The following KTN1 variants were observed in gnomAD, a reference collection of about 807,000 sequenced individuals.
The protein encoded by KTN1 is kinectin.
In KTN1, 130 loss-of-function variants were observed where a neutral mutation model predicts 222.5. The observed-to-expected ratio is 0.58, with a 90% CI of 0.51 to 0.68. The LOEUF (loss-of-function observed/expected upper bound fraction) is 0.68, where lower values mean the gene tolerates loss of function less well. Among genes scored for constraint, KTN1 ranks in the 30% least tolerant of loss-of-function variants. The pLI is 0.00. For synonymous variants in KTN1, 512 were observed against 496.3 expected (o/e 1.03, Z -0.42); for missense variants, 1,508 against 1,500.4 (o/e 1.01, Z -0.08).
Position 55,667,223 on chromosome 14 carries a change from G to T in KTN1, c.3178-18G>T, listed in dbSNP as rs769039155. 6.9e-7 allele frequency: 1 copy of T among 1,453,970 alleles called. No homozygotes were observed. Among genetic ancestry groups the T allele is most frequent in the Admixed American group, 1.9e-5 (1 of 53,304 alleles). 90.1% of individuals were successfully genotyped at this position (1,453,970 alleles called of 1,614,324 possible). A position where few individuals can be genotyped will look rare whatever the true frequency, so the allele number is the denominator to read the frequency against. Reference sequence around the variant, plus strand: ...TCTGTGATCTTGTAAGTTTGATTTGGCTCATCTTCTGCTTTAGGAAAGGCA... The same window carrying T: ...TCTGTGATCTTGTAAGTTTGATTTGTCTCATCTTCTGCTTTAGGAAAGGCA... On this transcript the variant is annotated intron_variant, in intron 33 of 43. Transcript: ENST00000395314.
chr14:55,672,084 A>G (rs954190599), intron 37 of KTN1: 1 of 515,054 alleles, frequency 1.9e-6, no homozygotes, highest in South Asian at 2.9e-5. Context: ...GTTTTAAAGT[A>G]TGACTAAAGG....
At chr14:55,612,646 C>A in intron 2 of KTN1, 75 bp downstream of exon 2, 1 of 1,171,844 alleles carries the variant, frequency 8.5e-7, no homozygotes, top group Non-Finnish European at 1.2e-6. Flanking sequence ...CTGTTAGGTA[C>A]ATACACAGAA....
intron 32 of KTN1, chr14:55,662,823 C>T: frequency 4.4e-6 from 2 of 455,288 alleles, no homozygotes; most frequent in Admixed American, 4.7e-5. Context: ...AACAGCATTG[C>T]TTAGCCACAA....
chr14:55,649,486 CAGTTTCTT>C (rs2042725396), intron 21 of KTN1, among the ~76,000 whole-genome samples: 1 of 152,106 alleles, frequency 6.6e-6, no homozygotes, highest in African/African-American at 2.4e-5. Context: ...TGAAATTAGG[CAGTTTCTT>C]AGTTGTGTTT....
At chr14:55,657,554 C>T (rs1247880210) in intron 29 of KTN1, among the ~76,000 whole-genome samples, 1 of 151,826 alleles carries the variant, frequency 6.6e-6, no homozygotes, top group African/African-American at 2.4e-5. Context: ...CTTTTATGTA[C>T]TCAAATATAA....
chr14:55,662,928 G>A (rs1350876556), intron 32 of KTN1: 7 of 455,968 alleles, frequency 1.5e-5, no homozygotes. Flanking sequence ...TGCAGCAGCA[G>A]CAGCAGCGCT....
intron 6 of KTN1, 133 bp downstream of exon 6, chr14:55,628,161 T>C: frequency 1.6e-6 from 1 of 612,092 alleles, no homozygotes; most frequent in Non-Finnish European, 2.9e-6. Flanking sequence ...CTTTAGAGTT[T>C]TGGGAGGGTA....
chr14:55,662,615 A>G (rs765746115), intron 32 of KTN1, among the ~76,000 whole-genome samples: 5 of 152,208 alleles, frequency 3.3e-5, no homozygotes, highest in African/African-American at 9.7e-5. Flanking sequence ...TGTACACTGT[A>G]GTGTGATTGC....
intron 24 of KTN1, chr14:55,651,493 G>T: frequency 2.5e-6 from 1 of 393,870 alleles, no homozygotes; most frequent in Non-Finnish European, 4.9e-6. Context: ...AGGGAGGTGT[G>T]TGGAGAGTTA....
chr14:55,658,743 A>G, intron 30 of KTN1, 129 bp downstream of exon 30: 1 of 600,184 alleles, frequency 1.7e-6, no homozygotes, highest in Non-Finnish European at 2.9e-6. Flanking sequence ...ATGTTTATCA[A>G]ATTTTATATA....
chr14:55,672,831 A>G (rs1595281837), intron 38 of KTN1, 98 bp from the exon 39 acceptor site: 1 of 1,084,766 alleles, frequency 9.2e-7, no homozygotes, highest in Non-Finnish European at 1.4e-6. Flanking sequence ...TTGAGTTGAT[A>G]TAGTTTTATA....
chr14:55,628,103 A>C (rs2040076127), intron 6 of KTN1, 75 bp downstream of exon 6: 11 of 897,448 alleles, frequency 1.2e-5, no homozygotes. Context: ...ATTGTCCATA[A>C]TCAGTAGTTT....
chr14:55,612,102 T>C lies in KTN1; in HGVS notation c.54T>C (p.Ile18=). 1 of 1,546,178 alleles carries C rather than the reference T, an allele frequency of 6.5e-7. No homozygotes were observed. Among genetic ancestry groups the C allele is most frequent in the Non-Finnish European group, 8.7e-7 (1 of 1,152,830 alleles). The change falls in exon 2 of 44, where the codon ATT becomes ATC. Residue 18 remains isoleucine, a synonymous_variant. Coordinates refer to ENST00000395314, the MANE Select transcript of KTN1 (RefSeq NM_001079521.2). The part of the protein sequence containing the change: ...YFIVLIPSIV[I]TVIFLFFWLF... ...TTGTTCTTATTCCTTCAATAGTTAT[T>C]ACAGTAATTTTCCTCTTCTTCTGGC...
intron 1 of KTN1, among the ~76,000 whole-genome samples, chr14:55,586,252 GAATT>G (rs2032965992): frequency 6.6e-6 from 1 of 152,158 alleles, no homozygotes. Context: ...CCTTGGGCTT[GAATT>G]TAGTTTTGCT....
intron 5 of KTN1, among the ~76,000 whole-genome samples, chr14:55,619,720 A>G (rs1053297013): frequency 2.6e-5 from 4 of 152,124 alleles, no homozygotes; most frequent in African/African-American, 9.7e-5. Context: ...AATTGCCCCC[A>G]TGATTCAATT....
Position 55,618,081 on chromosome 14 carries a change from T to A in KTN1, c.779T>A (p.Val260Glu), listed in dbSNP as rs765598195. 7 of 1,612,766 alleles carry A rather than the reference T, an allele frequency of 4.3e-6. No individual in the cohort carries two copies. In the South Asian group the frequency reaches 7.7e-5, roughly 18 times the overall value. ...EVIDLLKPDQ[V>E]EGIQKSGTKK... ...ATTGATTTGCTTAAACCTGACCAAG[T>A]AGAAGGGATCCAGAAATCTGGGACT... The change falls in exon 4 of 44, where the codon GTA (valine) becomes GAA (glutamate). Residue 260 changes from valine to glutamate, a missense_variant. Transcript: ENST00000395314.
At chr14:55,609,728 T>C (rs1283424198) in intron 1 of KTN1, among the ~76,000 whole-genome samples, 3 of 152,174 alleles carry the variant, frequency 2.0e-5, no homozygotes, top group Non-Finnish European at 4.4e-5. Flanking sequence ...CTTTTACCCC[T>C]TTTTTCAGCT....
intron 34 of KTN1, chr14:55,667,576 GGAAA>G (rs1395451930): frequency 8.1e-6 from 2 of 247,634 alleles, no homozygotes; most frequent in African/African-American, 4.5e-5. Flanking sequence ...ATCATATTTG[GGAAA>G]GAAATGTTTT....
At chr14:55,647,703 G>A (rs530642843) in intron 19 of KTN1, among the ~76,000 whole-genome samples, 196 of 149,556 alleles carry the variant, frequency 1.3e-3, no homozygotes, top group African/African-American at 4.6e-3. Flanking sequence ...CCAGCACTTT[G>A]GGAGGCCAAG....
Sources: gnomAD v4.1 joint callset for allele counts (sites outside exome capture counted in the v4.1 genomes callset) on GRCh38, gnomAD v4.1.1 for gene constraint, MANE v1.5 for transcripts, NCBI Gene and HGNC (gene_info 2026-07-23, HGNC 2026-07-21) for gene names.